Variants in SEMA5B observed in about 807,000 individuals in gnomAD.
SEMA5B encodes the protein semaphorin 5B.
In SEMA5B, 66 loss-of-function variants were observed where a neutral mutation model predicts 135.0. That is an observed-to-expected ratio of 0.49 (90% CI 0.40 to 0.60). SEMA5B has a LOEUF of 0.60. Ranked by LOEUF, SEMA5B falls within the 20% of genes least tolerant of loss-of-function variation. The pLI is 0.00. For synonymous variants in SEMA5B, 690 were observed against 639.5 expected (o/e 1.08, Z -1.19); for missense variants, 1,501 against 1,566.3 (o/e 0.96, Z 0.70).
intron 1 of SEMA5B, among the ~76,000 whole-genome samples, chr3:122,980,324 G>A (rs973884274): frequency 4.6e-5 from 7 of 152,184 alleles, no homozygotes; most frequent in Admixed American, 2.0e-4. Context: ...TCCAGGTGTG[G>A]TGGTGCATGC....
At chr3:123,002,057 T>C (rs1029630336) in intron 1 of SEMA5B, among the ~76,000 whole-genome samples, 1 of 152,098 alleles carries the variant, frequency 6.6e-6, no homozygotes, top group Non-Finnish European at 1.5e-5. Context: ...AGAATCAGAA[T>C]AGGCTGTGCA....
intron 1 of SEMA5B, among the ~76,000 whole-genome samples, chr3:123,019,103 G>T (rs1052668941): frequency 6.6e-6 from 1 of 152,182 alleles, no homozygotes; most frequent in South Asian, 2.1e-4. Flanking sequence ...TCCATGGGAT[G>T]CTGAGGGAAT....
intron 5 of SEMA5B, 121 bp downstream of exon 5, chr3:122,939,304 A>T (rs998377438): frequency 6.4e-6 from 5 of 779,028 alleles, no homozygotes; most frequent in Non-Finnish European, 6.8e-6. Flanking sequence ...AGTGAAAAGA[A>T]CAAGTGGCTC....
chr3:122,922,467 C>T lies in SEMA5B; in HGVS notation c.1273-20G>A, dbSNP rs1938413967. On this transcript the variant is annotated intron_variant, in intron 10 of 22. Transcript: ENST00000357599. ...GCCACACTGCCGCGGGGAGCCAGGTCACGCGCGCCCCGGCCACCAGGGCTG... is the reference window on the plus strand; with the variant it reads ...GCCACACTGCCGCGGGGAGCCAGGTTACGCGCGCCCCGGCCACCAGGGCTG... 1 of 1,566,812 alleles carries T rather than the reference C, an allele frequency of 6.4e-7. No homozygotes were observed. Among genetic ancestry groups the T allele is most frequent in the East Asian group, 2.4e-5 (1 of 42,208 alleles).
intron 1 of SEMA5B, among the ~76,000 whole-genome samples, chr3:123,021,531 C>T (rs775863371): frequency 6.6e-6 from 1 of 152,236 alleles, no homozygotes; most frequent in Non-Finnish European, 1.5e-5. Context: ...GAGCCAACTG[C>T]AGCTCTTTTG....
At chr3:122,940,377 C>T (rs1198275882) in intron 4 of SEMA5B, among the ~76,000 whole-genome samples, 2 of 152,176 alleles carry the variant, frequency 1.3e-5, no homozygotes, top group Non-Finnish European at 2.9e-5. Flanking sequence ...AAGTGAATGG[C>T]TATCTTTCTT....
At position 122,915,838 on chromosome 3, in the gene SEMA5B, G is replaced by C. The variant is rs149599978; in HGVS notation, c.1741C>G (p.Arg581Gly). ...PYCGWDGKQQ[R>G]CSTLEDSSNM... Reference sequence around the variant, plus strand: ...GAGCTGTCCTCGAGTGTGCTGCAACGTTGCTGCTTCCCGTCCCAGCCACAG... The same window carrying C: ...GAGCTGTCCTCGAGTGTGCTGCAACCTTGCTGCTTCCCGTCCCAGCCACAG... Residue 581 changes from arginine to glycine, a missense_variant, in exon 13 of 23, where the codon CGT (arginine) becomes GGT (glycine). Transcript: ENST00000357599. 2 of 1,614,004 alleles carry C rather than the reference G, an allele frequency of 1.2e-6. No homozygotes were observed.
intron 4 of SEMA5B, among the ~76,000 whole-genome samples, chr3:122,941,788 G>T (rs1194984203): frequency 6.6e-6 from 1 of 152,246 alleles, no homozygotes; most frequent in East Asian, 1.9e-4. Context: ...ATCAAGGCCA[G>T]TTTCCTGATT....
intron 1 of SEMA5B, among the ~76,000 whole-genome samples, chr3:123,014,723 TC>T (rs1942515151): frequency 1.3e-5 from 2 of 152,124 alleles, no homozygotes; most frequent in African/African-American, 4.8e-5. Flanking sequence ...AATATCTTCA[TC>T]AGCTGGAAAG....
At chr3:122,926,358 C>A in intron 9 of SEMA5B, 34 bp downstream of exon 9, 1 of 1,585,692 alleles carries the variant, frequency 6.3e-7, no homozygotes, top group Non-Finnish European at 8.6e-7. Context: ...CTCCTGACAT[C>A]ACAGGCAAGG....
chr3:122,911,564 A>T, intron 20 of SEMA5B, 29 bp from the exon 21 acceptor site: 1 of 1,602,368 alleles, frequency 6.2e-7, no homozygotes, highest in Non-Finnish European at 8.5e-7. Flanking sequence ...ACAGGGTGTC[A>T]GGGGCGGAGA....
rs759479270 is a variant in SEMA5B, at chr3:122,912,168, A to C, written c.2896+4T>G. 1.9e-6 allele frequency: 3 copies of C among 1,583,264 alleles called. No homozygotes were observed. The East Asian group carries it at 6.8e-5, about 36-fold the overall frequency. On this transcript the variant is annotated splice_donor_region_variant and intron_variant, in intron 19 of 22. Coordinates refer to ENST00000357599, the MANE Select transcript of SEMA5B (RefSeq NM_001031702.4). ...TCCCAGCCCTGGCGGGATGTGCCTC[A>C]TACCTGGGCAGGCCTGTGTGGCACA...
chr3:123,023,965 A>T (rs1942746557), intron 1 of SEMA5B, among the ~76,000 whole-genome samples: 1 of 152,186 alleles, frequency 6.6e-6, no homozygotes, highest in Admixed American at 6.5e-5. Context: ...CATGGGAAAC[A>T]TCTGTCTACT....
At chr3:122,956,506 G>A (rs1940313343) in intron 2 of SEMA5B, among the ~76,000 whole-genome samples, 1 of 152,200 alleles carries the variant, frequency 6.6e-6, no homozygotes, top group African/African-American at 2.4e-5. Context: ...CAGGAGCCAA[G>A]GCCGGAGCAA....
At chr3:122,930,546 GT>G (rs1938911914) in intron 5 of SEMA5B, among the ~76,000 whole-genome samples, 1 of 152,252 alleles carries the variant, frequency 6.6e-6, no homozygotes, top group Non-Finnish European at 1.5e-5. Flanking sequence ...CATTGCAGTT[GT>G]GCAGGCCAAA....
chr3:122,974,452 C>T (rs889335027), intron 1 of SEMA5B, among the ~76,000 whole-genome samples: 17 of 152,244 alleles, frequency 1.1e-4, no homozygotes, highest in African/African-American at 4.1e-4. Flanking sequence ...TTTGCAGGTG[C>T]AATGATGCAG....
Position 122,911,540 on chromosome 3 carries a change from A to G in SEMA5B, c.3047-5T>C. ...TGCTGGAGGCTGGCAGGATGACTGCAGGAAGACCAGTGGACAGGGTGTCAG... is the reference window on the plus strand; with the variant it reads ...TGCTGGAGGCTGGCAGGATGACTGCGGGAAGACCAGTGGACAGGGTGTCAG... On this transcript the variant is annotated splice_polypyrimidine_tract_variant and splice_region_variant and intron_variant, in intron 20 of 22. Transcript: ENST00000357599. The G allele has an allele frequency of 6.2e-7, 1 of 1,609,500 alleles. No individual in the cohort carries two copies. The highest frequency in any genetic ancestry group is 8.5e-7 in the Non-Finnish European group (1 of 1,178,810).
At chr3:122,923,512 G>C in intron 10 of SEMA5B, 105 bp downstream of exon 10, 3 of 1,280,132 alleles carry the variant, frequency 2.3e-6, no homozygotes, top group Non-Finnish European at 3.3e-6. Context: ...TGGCAGGGAC[G>C]GGTCTGGTGT....
At chr3:122,926,308 T>C (rs1938628239) in intron 9 of SEMA5B, 84 bp downstream of exon 9, 7 of 1,356,436 alleles carry the variant, frequency 5.2e-6, no homozygotes, top group Non-Finnish European at 7.1e-6. Context: ...GCAGTCCCCA[T>C]TTTATAGATG....
Sources: allele counts gnomAD v4.1 joint callset (sites outside exome capture counted in the v4.1 genomes callset), GRCh38; gene constraint gnomAD v4.1.1; transcripts MANE v1.5; gene names NCBI Gene and HGNC (gene_info 2026-07-23, HGNC 2026-07-21).